The following SH3PXD2B variants were observed in gnomAD, a reference collection of about 807,000 sequenced individuals.
SH3PXD2B encodes the protein SH3 and PX domains 2B.
SH3PXD2B carries 37 observed loss-of-function variants against 73.1 expected under a neutral mutation model. The observed-to-expected ratio is 0.51, with a 90% CI of 0.39 to 0.67. The LOEUF (loss-of-function observed/expected upper bound fraction) is 0.67, where lower values mean the gene tolerates loss of function less well. Ranked by LOEUF, SH3PXD2B falls within the 30% of genes least tolerant of loss-of-function variation. The pLI, the probability that SH3PXD2B is intolerant of heterozygous loss-of-function variation, is 0.00. For synonymous variants in SH3PXD2B, 457 were observed against 480.5 expected (o/e 0.95, Z 0.64); for missense variants, 1,053 against 1,197.8 (o/e 0.88, Z 1.78).
chr5:172,358,633 AG>A, intron 8 of SH3PXD2B, 139 bp downstream of exon 8: 1 of 820,264 alleles, frequency 1.2e-6, no homozygotes, highest in African/African-American at 1.7e-5. Flanking sequence ...TCTGGTTCAC[AG>A]GCCATGGAGC....
In SH3PXD2B at chr5:172,339,782, G is replaced by C. The variant is rs1437245156; in HGVS notation, c.1323C>G (p.Pro441=). The change falls in exon 13 of 13, where the codon CCC becomes CCG. Residue 441 remains proline (P), a synonymous_variant. Coordinates refer to ENST00000311601, the MANE Select transcript of SH3PXD2B (RefSeq NM_001017995.3). This position sits in a 1 kb window ranked among gnomAD's most constrained non-coding sequence, Gnocchi z 6.1. ...ASRPNFLAPL[P]HEVTQLRLGE... is the part of the protein sequence containing the mutation. ...CCAGCCGGAGCTGGGTCACCTCGTG[G>C]GGCAGGGGAGCCAGAAAGTTGGGTC... The C allele has an allele frequency of 8.7e-6, 14 of 1,613,168 alleles. No homozygotes were observed. The highest frequency in any genetic ancestry group is 1.3e-5 in the African/African-American group (1 of 74,922).
At chr5:172,429,511 C>T (rs1049534585) in intron 1 of SH3PXD2B, among the ~76,000 whole-genome samples, 3 of 152,138 alleles carry the variant, frequency 2.0e-5, no homozygotes, top group Non-Finnish European at 2.9e-5. Context: ...GTGATCTAAC[C>T]AAGTCCAGAC....
chr5:172,407,581 G>A (rs1014119245), intron 2 of SH3PXD2B, among the ~76,000 whole-genome samples: 1 of 152,236 alleles, frequency 6.6e-6, no homozygotes, highest in Admixed American at 6.5e-5. Context: ...CAGATGGTGA[G>A]GGAGAAAGTC....
intron 1 of SH3PXD2B, among the ~76,000 whole-genome samples, chr5:172,429,205 T>C (rs2012609): frequency 0.078 from 11,851 of 152,248 alleles, 671 homozygotes; most frequent in South Asian, 0.2. Context: ...TGCTTCTCCT[T>C]GGCAGGCCTT....
intron 8 of SH3PXD2B, among the ~76,000 whole-genome samples, chr5:172,356,171 AAGG>A (rs1757268253): frequency 6.6e-6 from 1 of 151,918 alleles, no homozygotes; most frequent in Admixed American, 6.6e-5. Context: ...ACTTGTGTTA[AAGG>A]AGAAGCTCTT....
intron 6 of SH3PXD2B, among the ~76,000 whole-genome samples, chr5:172,368,410 G>A (rs1385735699): frequency 1.5e-5 from 2 of 135,492 alleles, no homozygotes; most frequent in African/African-American, 5.5e-5. Context: ...CTAACGGCTC[G>A]TAGGCCTGTG....
In SH3PXD2B at chr5:172,339,779, G is replaced by T. The variant is rs201324424; in HGVS notation, c.1326C>A (p.His442Gln). 11 of 1,613,248 alleles carry T rather than the reference G, an allele frequency of 6.8e-6. No individual in the cohort carries two copies. The highest frequency in any genetic ancestry group is 2.2e-5 in the East Asian group (1 of 44,862). The change falls in exon 13 of 13, where the codon CAC becomes CAA. Residue 442 changes from histidine (H) to glutamine (Q), a missense_variant. His to Gln is a conservative substitution (Grantham distance 24, BLOSUM62 0). This residue lies in a region of SH3PXD2B where 466 missense variants were observed against 607.1 expected (regional missense o/e 0.77). Transcript: ENST00000311601. The surrounding 1 kb of genome is among the most constrained non-coding windows in gnomAD (Gnocchi z 6.1). ...CCCCCAGCCGGAGCTGGGTCACCTC[G>T]TGGGGCAGGGGAGCCAGAAAGTTGG... ...SRPNFLAPLP[H>Q]EVTQLRLGEA...
At chr5:172,341,588 C>T (rs564598528) in intron 12 of SH3PXD2B, among the ~76,000 whole-genome samples, 38 of 152,340 alleles carry the variant, frequency 2.5e-4, no homozygotes, top group African/African-American at 8.9e-4. Flanking sequence ...GCTTTCTGTA[C>T]AGCATGCCCA....
intron 1 of SH3PXD2B, among the ~76,000 whole-genome samples, chr5:172,438,081 G>C (rs1481825110): frequency 1.3e-5 from 2 of 152,194 alleles, no homozygotes; most frequent in Non-Finnish European, 2.9e-5. Flanking sequence ...GGCCTGTGCA[G>C]TCTGCCCCTC....
chr5:172,333,550 AAAAG>A lies in SH3PXD2B; in HGVS notation c.*4815_*4818del. The A allele has an allele frequency of 8.5e-7, 1 of 1,171,158 alleles. No homozygotes were observed. The highest frequency in any genetic ancestry group is 1.1e-6 in the Non-Finnish European group (1 of 937,036). The allele number at this position is 1,171,158 out of a possible 1,614,324, so 72.5% of individuals were successfully genotyped here. On this transcript the variant is annotated 3_prime_UTR_variant, in exon 13 of 13. Transcript: ENST00000311601. ...AGCACTTTTTTTATTTAAAAAAAAAAAAAGGAAAGAAGTCAAATGGTAAAGTATA... is the reference window on the plus strand; with the variant it reads ...AGCACTTTTTTTATTTAAAAAAAAAAGAAAGAAGTCAAATGGTAAAGTATA...
intron 2 of SH3PXD2B, among the ~76,000 whole-genome samples, chr5:172,420,617 G>A (rs1758940385): frequency 6.6e-6 from 1 of 152,174 alleles, no homozygotes; most frequent in African/African-American, 2.4e-5. Context: ...TCTGTTCGCG[G>A]CAGTTTGTGA....
intron 8 of SH3PXD2B, among the ~76,000 whole-genome samples, chr5:172,355,926 AC>A (rs1298959986): frequency 6.6e-6 from 1 of 152,014 alleles, no homozygotes; most frequent in Non-Finnish European, 1.5e-5. Context: ...AGGGTGGAAG[AC>A]CCTGTAGACT....
Position 172,334,360 on chromosome 5 carries a change from C to A in SH3PXD2B, c.*4009G>T. 1 of 993,932 alleles carries A rather than the reference C, an allele frequency of 1.0e-6. No individual in the cohort carries two copies. Among genetic ancestry groups the A allele is most frequent in the East Asian group, 1.1e-4 (1 of 8,854 alleles). 61.6% of individuals were successfully genotyped at this position (993,932 alleles called of 1,614,324 possible). Reference sequence around the variant, plus strand: ...TCTAGTTAGGAGCAATTCCTCCAGGCCAAGAGAGGGCGCCCTGCACCCTCA... The same window carrying A: ...TCTAGTTAGGAGCAATTCCTCCAGGACAAGAGAGGGCGCCCTGCACCCTCA... On this transcript the variant is annotated 3_prime_UTR_variant, in exon 13 of 13. Coordinates refer to ENST00000311601, the MANE Select transcript of SH3PXD2B (RefSeq NM_001017995.3).
At chr5:172,416,188 C>A (rs1048322629) in intron 2 of SH3PXD2B, among the ~76,000 whole-genome samples, 2 of 152,096 alleles carry the variant, frequency 1.3e-5, no homozygotes, top group South Asian at 2.1e-4. Flanking sequence ...ATTAGTCAGG[C>A]GTGGTGGCAC....
chr5:172,328,485 C>G (rs771680565), intron 12 of SH3PXD2B, among the ~76,000 whole-genome samples: 1 of 152,118 alleles, frequency 6.6e-6, no homozygotes, highest in Non-Finnish European at 1.5e-5. Context: ...AGGTGTTAGC[C>G]ACCACTTCCA....
At chr5:172,453,236 TCTTA>T (rs1425151211) in intron 1 of SH3PXD2B, among the ~76,000 whole-genome samples, 2 of 152,148 alleles carry the variant, frequency 1.3e-5, no homozygotes, top group Non-Finnish European at 2.9e-5. Flanking sequence ...TTTCCCTCCC[TCTTA>T]CTCTTTTTCC....
chr5:172,446,692 G>C (rs528713192), intron 1 of SH3PXD2B, among the ~76,000 whole-genome samples: 1 of 152,198 alleles, frequency 6.6e-6, no homozygotes, highest in Non-Finnish European at 1.5e-5. Flanking sequence ...CAGGGAAGTG[G>C]GCTGTAGGGC....
intron 3 of SH3PXD2B, among the ~76,000 whole-genome samples, chr5:172,398,504 C>T (rs558839454): frequency 6.6e-6 from 1 of 152,126 alleles, no homozygotes; most frequent in Non-Finnish European, 1.5e-5. Flanking sequence ...TTAATTGCTG[C>T]CCCCACTGAT....
At chr5:172,364,201 G>A (rs1227364663) in intron 6 of SH3PXD2B, among the ~76,000 whole-genome samples, 2 of 152,186 alleles carry the variant, frequency 1.3e-5, no homozygotes, top group Non-Finnish European at 2.9e-5. Flanking sequence ...GAGAGAAGCG[G>A]GCAGCTGGGT....
Sources: allele counts gnomAD v4.1 joint callset (sites outside exome capture counted in the v4.1 genomes callset), GRCh38; gene constraint gnomAD v4.1.1; regional missense constraint gnomAD v4.1.1; non-coding constraint Gnocchi (gnomAD v3.1); transcripts MANE v1.5; gene names NCBI Gene and HGNC (gene_info 2026-07-23, HGNC 2026-07-21).